The following JHY variants were observed in gnomAD, a reference collection of about 807,000 sequenced individuals.
JHY encodes the protein jhy protein homolog.
Under a neutral mutation model 78.0 loss-of-function variants are expected in JHY, and 69 were observed. The ratio of observed to expected loss-of-function variants is 0.88; its 90% confidence interval spans 0.73 to 1.08. The LOEUF (loss-of-function observed/expected upper bound fraction) is 1.08. Among genes scored for constraint, JHY ranks in the 50% least tolerant of loss-of-function variants. The pLI, the probability that JHY is intolerant of heterozygous loss-of-function variation, is 0.00. For synonymous variants in JHY, 368 were observed against 342.6 expected, an observed-to-expected ratio of 1.07 and a Z score of -0.82; for missense variants, 944 against 927.8, an observed-to-expected ratio of 1.02 and a Z score of -0.23.
At chr11:122,927,733 CTTTTTTT>C (rs113552516) in intron 4 of JHY, among the ~76,000 whole-genome samples, 1 of 140,220 alleles carries the variant, frequency 7.1e-6, no homozygotes. Flanking sequence ...TTTCTTTTTT[CTTTTTTT>C]TTTTTTTGAG....
At chr11:122,957,764 G>A (rs929019115) in intron 8 of JHY, among the ~76,000 whole-genome samples, 2 of 149,950 alleles carry the variant, frequency 1.3e-5, no homozygotes, top group Non-Finnish European at 1.5e-5. Flanking sequence ...CATTCCTGTA[G>A]CTACCCATCA....
At chr11:122,903,254 G>A (rs1862901776) in intron 2 of JHY, among the ~76,000 whole-genome samples, 1 of 152,230 alleles carries the variant, frequency 6.6e-6, no homozygotes, top group South Asian at 2.1e-4. Flanking sequence ...GAAATACTGA[G>A]TCATTGTTGG....
intron 3 of JHY, among the ~76,000 whole-genome samples, chr11:122,914,602 G>A (rs757303249): frequency 7.2e-5 from 11 of 151,784 alleles, no homozygotes; most frequent in Non-Finnish European, 1.3e-4. Flanking sequence ...CTACCACCAC[G>A]CCCGGCTAAT....
chr11:122,902,185 G>A (rs994036896), intron 2 of JHY, among the ~76,000 whole-genome samples: 4 of 150,272 alleles, frequency 2.7e-5, no homozygotes, highest in African/African-American at 9.7e-5. Flanking sequence ...GGCTGGGGAC[G>A]GTGGCTTGCA....
At chr11:122,884,224 T>G (rs1226119717) in intron 1 of JHY, among the ~76,000 whole-genome samples, 4 of 152,320 alleles carry the variant, frequency 2.6e-5, no homozygotes, top group African/African-American at 9.6e-5. Flanking sequence ...GAACGTTCCC[T>G]TTTGCCTGTT....
chr11:122,937,315 A>G (rs1346824586), intron 5 of JHY, among the ~76,000 whole-genome samples: 2 of 147,282 alleles, frequency 1.4e-5, no homozygotes, highest in African/African-American at 2.5e-5. Flanking sequence ...CTCTGTACAT[A>G]TAGCTAATTG....
intron 4 of JHY, among the ~76,000 whole-genome samples, chr11:122,928,259 A>G (rs922027408): frequency 3.3e-5 from 5 of 152,140 alleles, no homozygotes; most frequent in Non-Finnish European, 7.4e-5. Context: ...ATTCGATGTT[A>G]CAGGTGCCAC....
intron 6 of JHY, among the ~76,000 whole-genome samples, chr11:122,947,934 G>A (rs1284434869): frequency 6.6e-6 from 1 of 152,104 alleles, no homozygotes; most frequent in Non-Finnish European, 1.5e-5. Flanking sequence ...ACCTGCCATT[G>A]GATAGTGACT....
Position 122,962,219 on chromosome 11 carries a change from G to A in JHY, c.*2774G>A, listed in dbSNP as rs769503477. Among the ~76,000 whole-genome samples, 9 of 152,242 alleles carry A rather than the reference G, an allele frequency of 5.9e-5. No homozygotes were observed. The East Asian group carries it at 1.5e-3, about 26-fold the overall frequency. ...ATATTAGATGGACATTACATTTTTA[G>A]ATAGGCATATCCAGAAGTGGATAAT... On this transcript the variant is annotated 3_prime_UTR_variant, in exon 9 of 9. Coordinates refer to ENST00000227349, the MANE Select transcript of JHY (RefSeq NM_024806.4).
chr11:122,946,375 G>T, intron 5 of JHY, 123 bp from the exon 6 acceptor site: 6 of 1,038,430 alleles, frequency 5.8e-6, no homozygotes, highest in South Asian at 1.8e-5. Context: ...TAAGCTAAAG[G>T]TCATTAATTT....
chr11:122,939,975 T>A (rs1465651277), intron 5 of JHY, among the ~76,000 whole-genome samples: 39 of 143,044 alleles, frequency 2.7e-4, no homozygotes, highest in East Asian at 1.4e-3. Context: ...TTTTTTTTTT[T>A]AAATTCCTGA....
At chr11:122,906,473 G>T (rs1365200376) in intron 3 of JHY, among the ~76,000 whole-genome samples, 1 of 152,104 alleles carries the variant, frequency 6.6e-6, no homozygotes, top group Non-Finnish European at 1.5e-5. Flanking sequence ...GGGATTACAG[G>T]CATGAGTCAC....
At chr11:122,957,811 T>TCACACACACACACACA (rs113733119) in intron 8 of JHY, among the ~76,000 whole-genome samples, 1,665 of 149,792 alleles carry the variant, frequency 0.011, 40 homozygotes, top group African/African-American at 0.038. Context: ...ACACACACAG[T>TCACACACACACACACA]CACACACACA....
chr11:122,942,774 T>A (rs1371431404), intron 5 of JHY, among the ~76,000 whole-genome samples: 1 of 152,230 alleles, frequency 6.6e-6, no homozygotes, highest in Non-Finnish European at 1.5e-5. Flanking sequence ...GCTTTCTCCT[T>A]TTCCAATATA....
chr11:122,920,904 T>C (rs1863349909), intron 3 of JHY, among the ~76,000 whole-genome samples: 1 of 152,170 alleles, frequency 6.6e-6, no homozygotes, highest in South Asian at 2.1e-4. Flanking sequence ...CTGTCTTTGT[T>C]GTATCTTTTC....
chr11:122,945,845 A>G (rs1863950525), intron 5 of JHY, among the ~76,000 whole-genome samples: 1 of 152,156 alleles, frequency 6.6e-6, no homozygotes, highest in African/African-American at 2.4e-5. Flanking sequence ...TTTTCTATTC[A>G]GAGCCCAGAG....
At chr11:122,886,494 G>A (rs868612751) in intron 2 of JHY, among the ~76,000 whole-genome samples, 1 of 152,336 alleles carries the variant, frequency 6.6e-6, no homozygotes. Flanking sequence ...CCAGAAAGCC[G>A]GGTATGGAAA....
chr11:122,930,864 A>G (rs1037062947), intron 4 of JHY, among the ~76,000 whole-genome samples: 2 of 152,210 alleles, frequency 1.3e-5, no homozygotes, highest in South Asian at 2.1e-4. Flanking sequence ...ACAAAATACT[A>G]TAGATCAGGT....
chr11:122,948,895 C>T (rs1481090813), intron 6 of JHY, among the ~76,000 whole-genome samples: 1 of 151,912 alleles, frequency 6.6e-6, no homozygotes, highest in African/African-American at 2.4e-5. Flanking sequence ...ACCACCCTGG[C>T]CAATATGGTG....
Sources: gnomAD v4.1 joint callset for allele counts (sites outside exome capture counted in the v4.1 genomes callset) on GRCh38, gnomAD v4.1.1 for gene constraint, MANE v1.5 for transcripts, NCBI Gene and HGNC (gene_info 2026-07-23, HGNC 2026-07-21) for gene names.